WDR35: variants seen among roughly 807,000 people sequenced by gnomAD.
The protein encoded by WDR35 is WD repeat-containing protein 35.
WDR35 carries 118 observed loss-of-function variants against 158.3 expected under a neutral mutation model. The ratio of observed to expected loss-of-function variants is 0.75; its 90% CI spans 0.64 to 0.87. WDR35 has a LOEUF of 0.87. Among genes scored for constraint, WDR35 ranks in the 40% least tolerant of loss-of-function variants. WDR35 has a pLI of 0.00. For synonymous variants in WDR35, 448 were observed against 476.1 expected (o/e 0.94, Z 0.77); for missense variants, 1,263 against 1,405.8 (o/e 0.90, Z 1.62).
chr2:19,989,894 G>C, intron 1 of WDR35, 98 bp downstream of exon 1: 1 of 1,569,006 alleles, frequency 6.4e-7, no homozygotes, highest in South Asian at 1.2e-5. Flanking sequence ...GCCACGACCA[G>C]GACCGGGTGA....
chr2:19,926,690 G>A (rs1670364618), intron 25 of WDR35, among the ~76,000 whole-genome samples: 1 of 152,246 alleles, frequency 6.6e-6, no homozygotes, highest in Non-Finnish European at 1.5e-5. Context: ...AGCATCTACA[G>A]AAACCAGCTG....
intron 2 of WDR35, among the ~76,000 whole-genome samples, chr2:19,984,639 TAAG>T (rs1033456185): frequency 1.3e-5 from 2 of 152,118 alleles, no homozygotes; most frequent in African/African-American, 4.8e-5. Context: ...TTTAAAAAAT[TAAG>T]GTGTAATAAA....
chr2:19,958,222 C>T (rs1413191672), intron 11 of WDR35, among the ~76,000 whole-genome samples: 1 of 152,212 alleles, frequency 6.6e-6, no homozygotes, highest in Non-Finnish European at 1.5e-5. Context: ...GCAGCATAGG[C>T]AAACTGGTAC....
Position 19,975,641 on chromosome 2 carries a change from G to A in WDR35, c.459C>T (p.Asp153=). 1 of 1,613,996 alleles carries A rather than the reference G, an allele frequency of 6.2e-7. No homozygotes were observed. The highest frequency in any genetic ancestry group is 8.5e-7 in the Non-Finnish European group (1 of 1,179,958). ...SVDGNRIWGK[D]LKGIQLSHVT... ...CATGGGATAGCTGTATACCCTTCAG[G>A]TCTTTTCCCCAAATACGATTGCCTA... is the stretch of plus-strand genomic sequence containing the variant. The change falls in exon 6 of 27, where the codon GAC becomes GAT. Residue 153 remains aspartate, a synonymous_variant. Transcript: ENST00000281405.
intron 25 of WDR35, among the ~76,000 whole-genome samples, chr2:19,924,174 T>C (rs1037543889): frequency 2.0e-5 from 3 of 152,132 alleles, no homozygotes; most frequent in African/African-American, 7.2e-5. Context: ...AAAAAATCCC[T>C]TTATGTGGAG....
intron 14 of WDR35, among the ~76,000 whole-genome samples, chr2:19,947,033 T>C (rs565429292): frequency 3.3e-5 from 5 of 152,342 alleles, no homozygotes; most frequent in Admixed American, 2.6e-4. Flanking sequence ...TATCTGATAC[T>C]AGTTTTTAGC....
At chr2:19,946,677 T>C (rs1383534206) in intron 14 of WDR35, 107 bp from the exon 15 acceptor site, 1 of 975,232 alleles carries the variant, frequency 1.0e-6, no homozygotes, top group Non-Finnish European at 1.6e-6. Flanking sequence ...CAAAGTGATG[T>C]CACAGCAAAT....
intron 25 of WDR35, among the ~76,000 whole-genome samples, chr2:19,916,688 C>T (rs1027588384): frequency 2.6e-5 from 4 of 152,208 alleles, no homozygotes; most frequent in African/African-American, 9.7e-5. Flanking sequence ...TACCTCCTCT[C>T]TGGGCAGGAC....
chr2:19,969,643 A>G, intron 8 of WDR35, 38 bp from the exon 9 acceptor site: 1 of 1,600,828 alleles, frequency 6.2e-7, no homozygotes, highest in Non-Finnish European at 8.5e-7. Flanking sequence ...AAGTATAACA[A>G]TTAACTGAAA....
At position 19,946,583 on chromosome 2, in the gene WDR35, C is replaced by T. The variant is rs754858119; in HGVS notation, c.1525-13G>A. On this transcript the variant is annotated splice_polypyrimidine_tract_variant and intron_variant, in intron 14 of 26. Transcript: ENST00000281405. ...CAGATTCACGACCCTATGGAAATTA[C>T]TTTTGATTACTTAAGCATACGTGTA... 2 of 1,600,358 alleles carry T rather than the reference C, an allele frequency of 1.2e-6. No individual in the cohort carries two copies. Among genetic ancestry groups the T allele is most frequent in the South Asian group, 2.2e-5 (2 of 90,820 alleles).
chr2:19,919,461 G>GAAC (rs1242771874), intron 25 of WDR35, among the ~76,000 whole-genome samples: 1 of 150,276 alleles, frequency 6.7e-6, no homozygotes, highest in Non-Finnish European at 1.5e-5. Context: ...CCTGGAAACT[G>GAAC]AACAACCTTC....
chr2:19,930,686 T>C, intron 24 of WDR35, 134 bp from the exon 25 acceptor site: 2 of 1,332,318 alleles, frequency 1.5e-6, no homozygotes, highest in East Asian at 4.9e-5. Flanking sequence ...CAGACTTTTT[T>C]TTTTAAGAGA....
At chr2:19,983,876 C>A (rs1462316503) in intron 2 of WDR35, among the ~76,000 whole-genome samples, 2 of 151,852 alleles carry the variant, frequency 1.3e-5, no homozygotes, top group African/African-American at 4.8e-5. Context: ...TTTTTTAACA[C>A]AGGGTTCTTT....
rs1342013802 is a variant in WDR35 at position 19,914,218 on chromosome 2, C to T, written c.3181G>A (p.Ala1061Thr). 1.2e-6 allele frequency: 2 copies of T among 1,614,176 alleles called. No individual in the cohort carries two copies. The highest frequency in any genetic ancestry group is 3.3e-5 in the Admixed American group (2 of 60,028). The change falls in exon 26 of 27, where the codon GCA becomes ACA. Residue 1061 changes from alanine (A) to threonine (T), a missense_variant. Coordinates refer to ENST00000281405, the MANE Select transcript of WDR35 (RefSeq NM_020779.4). ...GCTCTGCTGGCGCATGCGCAGAGTG[C>T]TAGCAGAGAGTAGATCTCCACAGGA... The part of the protein sequence containing the change: ...IPPVEIYSLL[A>T]LCACASRAFG...
At chr2:19,930,603 T>A (rs111714673) in intron 24 of WDR35, 51 bp from the exon 25 acceptor site, 1 of 1,611,272 alleles carries the variant, frequency 6.2e-7, no homozygotes. Flanking sequence ...GCACACACAG[T>A]GTCAACTCCC....
At chr2:19,941,149 C>T (rs927103764) in intron 17 of WDR35, among the ~76,000 whole-genome samples, 1 of 152,006 alleles carries the variant, frequency 6.6e-6, no homozygotes, top group Admixed American at 6.5e-5. Flanking sequence ...AAAGTTAATG[C>T]TTTGGCTAAA....
chr2:19,922,396 A>G (rs907954518), intron 25 of WDR35, among the ~76,000 whole-genome samples: 1 of 152,242 alleles, frequency 6.6e-6, no homozygotes, highest in Non-Finnish European at 1.5e-5. Flanking sequence ...GCCATAAAAA[A>G]GGATGCATTC....
At chr2:19,939,059 A>G (rs1168504911) in intron 17 of WDR35, among the ~76,000 whole-genome samples, 1 of 152,256 alleles carries the variant, frequency 6.6e-6, no homozygotes. Context: ...TACAGCAACA[A>G]CACCACAGGC....
chr2:19,953,698 G>T, intron 12 of WDR35, 136 bp downstream of exon 12: 2 of 1,144,134 alleles, frequency 1.7e-6, no homozygotes, highest in South Asian at 1.4e-5. Context: ...AAATTTTAAA[G>T]ATAATCAAAT....
Sources: allele counts gnomAD v4.1 joint callset (sites outside exome capture counted in the v4.1 genomes callset), GRCh38; gene constraint gnomAD v4.1.1; transcripts MANE v1.5; gene names NCBI Gene and HGNC (gene_info 2026-07-23, HGNC 2026-07-21).